Variants in VRK2 observed in about 807,000 individuals in gnomAD.
The protein encoded by VRK2 is serine/threonine-protein kinase VRK2.
A neutral mutation model predicts 57.6 loss-of-function variants in VRK2; 60 were observed. That is an observed-to-expected ratio of 1.04 (90% CI 0.85 to 1.29). VRK2 has a LOEUF of 1.29. Ranked by LOEUF, VRK2 falls within the 50% of genes most tolerant of loss-of-function variation. VRK2 has a pLI of 0.00. For missense variants in VRK2, 705 were observed against 588.1 expected (o/e 1.20, Z -2.06); for synonymous variants, 231 against 199.2 (o/e 1.16, Z -1.35).
rs190154808 is a variant in VRK2 at position 58,005,818 on chromosome 2, G to C, written c.-438-19847G>C. Among the ~76,000 whole-genome samples the C allele has an allele frequency of 7.6e-3, 1,149 of 152,160 alleles. 8 individuals carry two copies. Among genetic ancestry groups the C allele is most frequent in the Non-Finnish European group, 0.012 (783 of 67,970 alleles). ...CTAGGGACATTAAACTCCTAAATTC[G>C]AATGAGTCTTCTTTGACAGTAGAAG... On this transcript the variant is annotated intron_variant, in intron 1 of 15. Transcript: ENST00000417641.
chr2:58,143,342 T>G (rs563718731), intron 11 of VRK2, among the ~76,000 whole-genome samples: 1 of 152,102 alleles, frequency 6.6e-6, no homozygotes, highest in Non-Finnish European at 1.5e-5. Context: ...AGTATCCTTC[T>G]ATTATAAGGG....
chr2:58,033,353 A>G (rs1320870090), exon 3 of VRK2: 1 of 152,058 alleles, frequency 6.6e-6, no homozygotes, highest in Non-Finnish European at 1.5e-5. Context: ...CTTTCTAAGA[A>G]GGAAGAAGGA....
intron 1 of VRK2, among the ~76,000 whole-genome samples, chr2:58,011,212 T>C (rs1024393366): frequency 6.6e-5 from 10 of 152,218 alleles, no homozygotes; most frequent in African/African-American, 2.4e-4. Context: ...TTCCTTCAAA[T>C]GATAGCTGCC....
At chr2:58,146,508 T>G (rs771709503) in intron 12 of VRK2, 34 bp downstream of exon 12, 9 of 1,590,022 alleles carry the variant, frequency 5.7e-6, no homozygotes, top group Non-Finnish European at 7.7e-6. Context: ...TTTTTCTAAC[T>G]TAATGTTACA....
chr2:58,063,136 G>C (rs761155341), intron 2 of VRK2, among the ~76,000 whole-genome samples: 2 of 151,318 alleles, frequency 1.3e-5, no homozygotes, highest in Non-Finnish European at 2.9e-5. Context: ...AACAAAGCCT[G>C]GATGACAGCC....
At chr2:57,992,123 C>G (rs1023054332) in intron 1 of VRK2, among the ~76,000 whole-genome samples, 5 of 151,914 alleles carry the variant, frequency 3.3e-5, no homozygotes, top group African/African-American at 1.2e-4. Context: ...AAATTTCTGT[C>G]AAAAAACGAA....
intron 7 of VRK2, among the ~76,000 whole-genome samples, chr2:58,116,302 G>C (rs1676472895): frequency 6.6e-6 from 1 of 151,116 alleles, no homozygotes; most frequent in African/African-American, 2.5e-5. Flanking sequence ...CGCAAAGGAG[G>C]CTTTGGATTG....
At chr2:58,042,167 T>A (rs577415679), upstream of VRK2, among the ~76,000 whole-genome samples, 2 of 152,340 alleles carry the variant, frequency 1.3e-5, no homozygotes, top group East Asian at 1.9e-4. Context: ...TATGACATTT[T>A]AAATTATTTT....
At chr2:57,973,675 T>A (rs546951813) in intron 1 of VRK2, among the ~76,000 whole-genome samples, 2 of 151,806 alleles carry the variant, frequency 1.3e-5, no homozygotes, top group African/African-American at 4.8e-5. Context: ...GTGGAAGATA[T>A]GATGAAACTA....
chr2:57,992,183 T>A (rs1672789003), intron 1 of VRK2, among the ~76,000 whole-genome samples: 1 of 152,184 alleles, frequency 6.6e-6, no homozygotes, highest in Non-Finnish European at 1.5e-5. Flanking sequence ...AGTAAAAGTT[T>A]ATGAAGAGAA....
In VRK2 at chr2:58,014,636, T is replaced by C. The variant is rs545002303; in HGVS notation, c.-438-11029T>C. 1.3e-4 allele frequency among the ~76,000 whole-genome samples: 20 copies of C among 152,334 alleles called. No individual in the cohort carries two copies. In the South Asian group the frequency reaches 3.7e-3, roughly 28 times the overall value. ...TGCATTTCAGTTCACAAATATGCTT[T>C]GGGTACTTAGATATGCAAGACACTA... is the stretch of plus-strand genomic sequence containing the variant. On this transcript the variant is annotated intron_variant, in intron 1 of 15. Transcript: ENST00000417641.
rs985112972 is a variant in VRK2 at position 57,977,854 on chromosome 2, T to A, written c.-438-47811T>A. Among the ~76,000 whole-genome samples, 9 of 151,202 alleles carry A rather than the reference T, an allele frequency of 6.0e-5. 1 individual carries two copies. Among genetic ancestry groups the A allele is most frequent in the African/African-American group, 2.2e-4 (9 of 40,512 alleles). ...GTTCAGTATGTTGCTGGCTGTAGGTTTGTCAGAGATGGCTCTTATCATTTT... is the reference window on the plus strand; with the variant it reads ...GTTCAGTATGTTGCTGGCTGTAGGTATGTCAGAGATGGCTCTTATCATTTT... On this transcript the variant is annotated intron_variant, in intron 1 of 15. Coordinates refer to the VRK2 transcript ENST00000417641.
intron 5 of VRK2, among the ~76,000 whole-genome samples, chr2:58,086,742 T>C (rs190900318): frequency 6.6e-6 from 1 of 152,290 alleles, no homozygotes. Context: ...CTAATTTACT[T>C]ATGTGATTGT....
chr2:58,096,818 C>A (rs1256477064), intron 7 of VRK2, among the ~76,000 whole-genome samples: 2 of 151,744 alleles, frequency 1.3e-5, no homozygotes, highest in Non-Finnish European at 2.9e-5. Context: ...GAGTTTAAGG[C>A]TATGAATTTT....
intron 1 of VRK2, among the ~76,000 whole-genome samples, chr2:58,019,221 T>A (rs192416898): frequency 8.5e-5 from 13 of 152,344 alleles, no homozygotes; most frequent in Middle Eastern, 3.4e-3. Flanking sequence ...GAGAAATTTT[T>A]ACGTTGCTAT....
intron 1 of VRK2, among the ~76,000 whole-genome samples, chr2:57,910,628 T>C (rs888605879): frequency 2.0e-5 from 3 of 152,182 alleles, no homozygotes; most frequent in Admixed American, 6.5e-5. Flanking sequence ...TTGCCAACCT[T>C]ATAGGACTGA....
At chr2:58,086,045 C>T (rs1671579685) in intron 4 of VRK2, among the ~76,000 whole-genome samples, 1 of 148,328 alleles carries the variant, frequency 6.7e-6, no homozygotes, top group Non-Finnish European at 1.5e-5. Context: ...AGAAATTTAG[C>T]TAGTATATAA....
chr2:58,034,839 T>C (rs1366496140), intron 3 of VRK2, among the ~76,000 whole-genome samples: 1 of 152,024 alleles, frequency 6.6e-6, no homozygotes, highest in African/African-American at 2.4e-5. Flanking sequence ...TGAACATCTG[T>C]ACACTAGGTA....
intron 1 of VRK2, among the ~76,000 whole-genome samples, chr2:57,932,196 A>G (rs1460364688): frequency 6.6e-6 from 1 of 151,926 alleles, no homozygotes; most frequent in Non-Finnish European, 1.5e-5. Context: ...CTTTGGTTTG[A>G]AGGTAATGCT....
Sources: allele counts gnomAD v4.1 joint callset (sites outside exome capture counted in the v4.1 genomes callset), GRCh38; gene constraint gnomAD v4.1.1; transcripts MANE v1.5; gene names NCBI Gene and HGNC (gene_info 2026-07-23, HGNC 2026-07-21).